CD96: variants seen among roughly 807,000 people sequenced by gnomAD.
CD96 encodes the protein CD96 molecule.
CD96 carries 70 observed loss-of-function variants against 71.3 expected under a neutral mutation model. The observed-to-expected ratio is 0.98, with a 90% confidence interval of 0.81 to 1.20. CD96 has a LOEUF of 1.20. Among genes scored for constraint, CD96 ranks in the 50% most tolerant of loss-of-function variants. CD96 has a pLI of 0.00. For synonymous variants in CD96, 248 were observed against 233.0 expected (o/e 1.06, Z -0.59); for missense variants, 742 against 677.5 (o/e 1.10, Z -1.06).
At chr3:111,561,885 A>T (rs2107529497) in intron 2 of CD96, among the ~76,000 whole-genome samples, 1 of 151,168 alleles carries the variant, frequency 6.6e-6, no homozygotes, top group East Asian at 1.9e-4. Context: ...GGACCCTCCG[A>T]GCCAGGTGTG....
intron 14 of CD96, among the ~76,000 whole-genome samples, chr3:111,662,270 C>G (rs1940377228): frequency 1.3e-5 from 2 of 152,224 alleles, no homozygotes; most frequent in Admixed American, 1.3e-4. Context: ...ATTTTTCCCT[C>G]TTAGTCCTCC....
At chr3:111,627,527 A>G (rs1424448835) in intron 10 of CD96, among the ~76,000 whole-genome samples, 1 of 152,250 alleles carries the variant, frequency 6.6e-6, no homozygotes, top group Non-Finnish European at 1.5e-5. Flanking sequence ...CAGAGTGCCC[A>G]GTGGGTGAGG....
At chr3:111,657,867 C>T (rs1940271201) in intron 14 of CD96, among the ~76,000 whole-genome samples, 1 of 152,180 alleles carries the variant, frequency 6.6e-6, no homozygotes, top group Non-Finnish European at 1.5e-5. Flanking sequence ...TGATGTCCAC[C>T]TGTCCTTCAC....
intron 2 of CD96, among the ~76,000 whole-genome samples, chr3:111,556,292 G>T (rs1935031589): frequency 7.1e-6 from 1 of 140,618 alleles, no homozygotes; most frequent in South Asian, 2.3e-4. Context: ...CCGTGCTGGT[G>T]CGCCGCACCC....
intron 3 of CD96, among the ~76,000 whole-genome samples, chr3:111,568,045 T>C (rs997927600): frequency 6.6e-5 from 10 of 152,172 alleles, no homozygotes; most frequent in African/African-American, 2.2e-4. Context: ...CACTTATTAC[T>C]ACATCCTGGG....
At chr3:111,617,605 T>A (rs188075556) in intron 8 of CD96, among the ~76,000 whole-genome samples, 60 of 152,212 alleles carry the variant, frequency 3.9e-4, no homozygotes, top group African/African-American at 1.4e-3. Context: ...TGGACACTCA[T>A]TGGGACAGCC....
intron 2 of CD96, among the ~76,000 whole-genome samples, chr3:111,550,541 G>GAAAATGGGGAC (rs1934646050): frequency 6.6e-6 from 1 of 151,688 alleles, no homozygotes; most frequent in African/African-American, 2.4e-5. Context: ...AGGTTTCTAA[G>GAAAATGGGGAC]AAAATGGGGA....
At chr3:111,648,168 C>T (rs1253322916) in intron 13 of CD96, among the ~76,000 whole-genome samples, 1 of 152,070 alleles carries the variant, frequency 6.6e-6, no homozygotes, top group Non-Finnish European at 1.5e-5. Context: ...ATTGGGTTAC[C>T]CCATTTTTGT....
At chr3:111,610,515 A>C (rs559621462) in intron 8 of CD96, among the ~76,000 whole-genome samples, 1 of 152,330 alleles carries the variant, frequency 6.6e-6, no homozygotes, top group South Asian at 2.1e-4. Context: ...CCTCGATGAA[A>C]GGATATTTTT....
intron 5 of CD96, among the ~76,000 whole-genome samples, chr3:111,590,904 A>G (rs1936945603): frequency 6.6e-6 from 1 of 152,158 alleles, no homozygotes; most frequent in African/African-American, 2.4e-5. Context: ...TTTATACTTT[A>G]GCCCCGTCAT....
chr3:111,585,255 CAT>C, intron 4 of CD96, 66 bp from the exon 5 acceptor site: 1 of 842,772 alleles, frequency 1.2e-6, no homozygotes, highest in Non-Finnish European at 2.1e-6. Flanking sequence ...CACACACACA[CAT>C]ACACACACTA....
intron 7 of CD96, among the ~76,000 whole-genome samples, chr3:111,605,198 G>A (rs1253413857): frequency 6.6e-6 from 1 of 152,170 alleles, no homozygotes; most frequent in Non-Finnish European, 1.5e-5. Context: ...CCCTTGAGGG[G>A]CATATATGAT....
chr3:111,626,644 A>G (rs1298567239), intron 10 of CD96, among the ~76,000 whole-genome samples: 1 of 152,216 alleles, frequency 6.6e-6, no homozygotes, highest in East Asian at 1.9e-4. Flanking sequence ...TTTGGAGGAA[A>G]CACTGTTCAT....
At chr3:111,611,301 A>T (rs1003563315) in intron 8 of CD96, among the ~76,000 whole-genome samples, 1 of 152,210 alleles carries the variant, frequency 6.6e-6, no homozygotes, top group Non-Finnish European at 1.5e-5. Flanking sequence ...TGAGGGGCAC[A>T]GGGTAAAGGA....
rs1939889175 is a variant in CD96, at chr3:111,647,546, T to C, written c.1481T>C (p.Ile494Thr). 1 of 1,612,458 alleles carries C rather than the reference T, an allele frequency of 6.2e-7. No individual in the cohort carries two copies. The highest frequency in any genetic ancestry group is 8.5e-7 in the Non-Finnish European group (1 of 1,178,592). Residue 494 changes from isoleucine to threonine, a missense_variant, in exon 13 of 14, where the codon ATT becomes ACT. Transcript: ENST00000352690. ...TCTTTCTTTATGCCCTTTTCAGGTA[T>C]TGTGGTCAATAAGCCCAAAGATGGA... ...TKTNHVHITG[I>T]VVNKPKDGMS...
intron 14 of CD96, among the ~76,000 whole-genome samples, chr3:111,664,281 TG>T (rs1230441599): frequency 5.3e-5 from 8 of 152,014 alleles, no homozygotes; most frequent in Admixed American, 2.6e-4. Flanking sequence ...ATTTGTGGAC[TG>T]GAAAAAAAAT....
In CD96 at chr3:111,585,389, T is replaced by C; in HGVS notation, c.807+11T>C. On this transcript the variant is annotated intron_variant, in intron 5 of 13. Transcript: ENST00000352690. ...GATGTCTTGGTAGAGGTGAGTCACA[T>C]AAAAGCCTTTGAAAATCTACAGTAT... 1 of 1,565,604 alleles carries C rather than the reference T, an allele frequency of 6.4e-7. No homozygotes were observed. The highest frequency in any genetic ancestry group is 1.1e-5 in the South Asian group (1 of 90,094).
Position 111,606,739 on chromosome 3 carries a change from C to A in CD96, c.1127C>A (p.Thr376Lys). ...ISSTDPPLSV[T>K]ESTLDTQPSP... ...TCAACAGACCCTCCACTGAGTGTTA[C>A]AGAATCTACCCTTGACACCCAACCT... The change falls in exon 8 of 14, where the codon ACA (threonine) becomes AAA (lysine). Residue 376 changes from threonine to lysine, a missense_variant. Coordinates refer to ENST00000352690, the MANE Select transcript of CD96 (RefSeq NM_005816.5). The A allele has an allele frequency of 3.1e-6, 5 of 1,607,416 alleles. No homozygotes were observed. Among genetic ancestry groups the A allele is most frequent in the Non-Finnish European group, 4.3e-6 (5 of 1,173,872 alleles).
chr3:111,649,605 G>A, intron 13 of CD96, 93 bp from the exon 14 acceptor site: 2 of 849,398 alleles, frequency 2.4e-6, no homozygotes, highest in Admixed American at 1.7e-5. Flanking sequence ...ATCAATCTGT[G>A]TTCTCCTTTA....
Sources: gnomAD v4.1 joint callset for allele counts (sites outside exome capture counted in the v4.1 genomes callset) on GRCh38, gnomAD v4.1.1 for gene constraint, MANE v1.5 for transcripts, NCBI Gene and HGNC (gene_info 2026-07-23, HGNC 2026-07-21) for gene names.